Variants in ZNF215 observed in about 807,000 individuals in gnomAD.
The protein encoded by ZNF215 is BWSCR2-associated zinc finger protein 2.
ZNF215 carries 24 observed loss-of-function variants against 27.2 expected under a neutral mutation model. The observed-to-expected ratio is 0.88, with a 90% CI of 0.64 to 1.24. The LOEUF (loss-of-function observed/expected upper bound fraction) is 1.24, where lower values mean the gene tolerates loss of function less well. Ranked by LOEUF, ZNF215 falls within the 50% of genes most tolerant of loss-of-function variation. ZNF215 has a pLI of 0.00. For missense variants in ZNF215, 675 were observed against 605.7 expected, an observed-to-expected ratio of 1.11 and a Z score of -1.20; for synonymous variants, 210 against 204.0, an observed-to-expected ratio of 1.03 and a Z score of -0.25.
At position 6,951,105 on chromosome 11, in the gene ZNF215, C is replaced by G. The variant is rs1484996585; in HGVS notation, c.713-4585C>G. Among the ~76,000 whole-genome samples, 5 of 152,132 alleles carry G rather than the reference C, an allele frequency of 3.3e-5. No individual in the cohort carries two copies. The East Asian group carries it at 7.7e-4, about 23-fold the overall frequency. ...AGCCCACTTGATCATGGTGGATAAG[C>G]TTTTTCATGTGCTGCTGGATTTGCT... is the stretch of plus-strand genomic sequence containing the variant. On this transcript the variant is annotated intron_variant, in intron 6 of 6. Coordinates refer to ENST00000278319, the MANE Select transcript of ZNF215 (RefSeq NM_013250.4).
intron 6 of ZNF215, among the ~76,000 whole-genome samples, chr11:6,948,995 A>G (rs1459781011): frequency 1.4e-5 from 2 of 147,204 alleles, no homozygotes; most frequent in Admixed American, 6.9e-5. Context: ...GAGAACATGC[A>G]GTGTTTGGTT....
In ZNF215 at chr11:6,972,195, G is replaced by T. The variant is rs1049120147; in HGVS notation, c.806-11934G>T. 3.9e-5 allele frequency among the ~76,000 whole-genome samples: 6 copies of T among 151,904 alleles called. No individual in the cohort carries two copies. The South Asian group carries it at 1.2e-3, about 32-fold the overall frequency. Reference sequence around the variant, plus strand: ...GCATCAGTAACCTTTTGTTTTCTTTGTGGAGAATGAGATAGTAAATATTTT... The same window carrying T: ...GCATCAGTAACCTTTTGTTTTCTTTTTGGAGAATGAGATAGTAAATATTTT... On this transcript the variant is annotated intron_variant, in intron 5 of 5. Coordinates refer to the ZNF215 transcript ENST00000529903.
chr11:6,946,016 C>G (rs1233018621), intron 6 of ZNF215, among the ~76,000 whole-genome samples: 1 of 152,100 alleles, frequency 6.6e-6, no homozygotes, highest in African/African-American at 2.4e-5. Context: ...TGACACTGCC[C>G]TCTACCTAGT....
At chr11:6,952,557 C>T (rs575762471) in intron 6 of ZNF215, among the ~76,000 whole-genome samples, 2 of 151,852 alleles carry the variant, frequency 1.3e-5, no homozygotes, top group African/African-American at 2.4e-5. Context: ...GGATTGCAAC[C>T]CCTACCTTTT....
chr11:6,927,376 C>T (rs1406808431), intron 1 of ZNF215, among the ~76,000 whole-genome samples: 1 of 152,212 alleles, frequency 6.6e-6, no homozygotes, highest in African/African-American at 2.4e-5. Flanking sequence ...GTGGTTCTTA[C>T]CTCAAGCAGC....
At chr11:6,936,131 A>G (rs1849428129) in intron 3 of ZNF215, among the ~76,000 whole-genome samples, 1 of 152,068 alleles carries the variant, frequency 6.6e-6, no homozygotes, top group Non-Finnish European at 1.5e-5. Context: ...TAAAAGCCAG[A>G]TGAAGAAAGA....
intron 6 of ZNF215, 130 bp downstream of exon 6, chr11:6,943,771 A>T (rs1462696490): frequency 1.3e-6 from 1 of 749,232 alleles, no homozygotes; most frequent in Non-Finnish European, 2.3e-6. Context: ...GAGGGGGAAA[A>T]GACATTATTC....
intron 6 of ZNF215, among the ~76,000 whole-genome samples, chr11:6,949,476 G>C (rs1459733967): frequency 6.6e-6 from 1 of 152,136 alleles, no homozygotes; most frequent in Non-Finnish European, 1.5e-5. Context: ...TTGTGGTTTT[G>C]AGTTGCATTT....
At chr11:6,980,770 C>T (rs1464509196) in intron 5 of ZNF215, among the ~76,000 whole-genome samples, 2 of 121,548 alleles carry the variant, frequency 1.6e-5, no homozygotes, top group Non-Finnish European at 3.3e-5. Context: ...TCCCCCCACC[C>T]CACAACAGTC....
chr11:6,953,813 G>C (rs537458277), intron 6 of ZNF215, among the ~76,000 whole-genome samples: 2 of 152,142 alleles, frequency 1.3e-5, no homozygotes, highest in Admixed American at 1.3e-4. Context: ...GAGGCACTCT[G>C]CTCTTTAGAG....
intron 6 of ZNF215, among the ~76,000 whole-genome samples, chr11:6,945,016 A>G (rs537270622): frequency 1.3e-5 from 2 of 152,258 alleles, no homozygotes; most frequent in East Asian, 3.9e-4. Flanking sequence ...ATACCCTATT[A>G]GAAGAGGAAC....
At chr11:6,953,435 T>C (rs1371348616) in intron 6 of ZNF215, among the ~76,000 whole-genome samples, 1 of 152,246 alleles carries the variant, frequency 6.6e-6, no homozygotes, top group Admixed American at 6.5e-5. Flanking sequence ...TGTTTGTTTC[T>C]TTTTATTCTT....
chr11:6,979,587 G>C (rs1030990591), intron 5 of ZNF215, among the ~76,000 whole-genome samples: 1 of 152,012 alleles, frequency 6.6e-6, no homozygotes, highest in African/African-American at 2.4e-5. Flanking sequence ...AATCAGTGCT[G>C]TGATTTCCAC....
Position 6,955,730 on chromosome 11 carries a change from G to T in ZNF215, c.753G>T (p.Val251=), listed in dbSNP as rs1850307755. The change falls in exon 7 of 7, where the codon GTG becomes GTT. Residue 251 remains valine, a synonymous_variant. Transcript: ENST00000278319. ...CTGGAGAAGAATCATCCCATGGAGT[G>T]ATTATGACAAGGCTTACCGAAAGTG... ...SISGEESSHG[V]IMTRLTESGH... The T allele has an allele frequency of 6.3e-7, 1 of 1,593,680 alleles. No homozygotes were observed.
chr11:6,964,153 G>T (rs572486333), intron 5 of ZNF215, among the ~76,000 whole-genome samples: 83 of 151,916 alleles, frequency 5.5e-4, no homozygotes, highest in African/African-American at 1.9e-3. Context: ...TTTAAATCTA[G>T]TTGTTAAGTT....
chr11:6,957,843 C>G lies in ZNF215; in HGVS notation c.*1312C>G. The G allele has an allele frequency of 1.0e-6, 1 of 985,382 alleles. No homozygotes were observed. Among genetic ancestry groups the G allele is most frequent in the Non-Finnish European group, 1.2e-6 (1 of 829,924 alleles). 61.0% of individuals were successfully genotyped at this position (985,382 alleles called of 1,614,324 possible). On this transcript the variant is annotated 3_prime_UTR_variant, in exon 7 of 7. Transcript: ENST00000278319. ...ATTAAAGTCTCCTATACTCTGTACA[C>G]CAGAACTGTGTCTTCTGTAAACTAC...
downstream of ZNF215, among the ~76,000 whole-genome samples, chr11:6,962,720 T>G (rs764676167): frequency 1.3e-5 from 2 of 152,146 alleles, no homozygotes; most frequent in Non-Finnish European, 2.9e-5. Context: ...TATCAGTCCT[T>G]GGGCCCCAGT....
At position 6,957,129 on chromosome 11, in the gene ZNF215, T is replaced by G. The variant is rs1564967162; in HGVS notation, c.*598T>G. The G allele has an allele frequency of 2.0e-6, 2 of 985,432 alleles. No homozygotes were observed. The highest frequency in any genetic ancestry group is 2.4e-6 in the Non-Finnish European group (2 of 829,900). 61.0% of individuals were successfully genotyped at this position (985,432 alleles called of 1,614,324 possible). A position where few individuals can be genotyped will look rare whatever the true frequency, so the allele number is the denominator to read the frequency against. ...GTTATCAACTGCAATGGGAGAAGTA[T>G]GTATTGCTGTTAATCTATATGTATT... On this transcript the variant is annotated 3_prime_UTR_variant, in exon 7 of 7. Coordinates refer to ENST00000278319, the MANE Select transcript of ZNF215 (RefSeq NM_013250.4).
At chr11:6,953,469 CTTCATTTCA>C (rs1850177103) in intron 6 of ZNF215, among the ~76,000 whole-genome samples, 1 of 152,154 alleles carries the variant, frequency 6.6e-6, no homozygotes. Flanking sequence ...TCCTTTCTTG[CTTCATTTCA>C]TTCATTTCAT....
Sources: allele counts gnomAD v4.1 joint callset (sites outside exome capture counted in the v4.1 genomes callset), GRCh38; gene constraint gnomAD v4.1.1; transcripts MANE v1.5; gene names NCBI Gene and HGNC (gene_info 2026-07-23, HGNC 2026-07-21).